STX17: variants seen among roughly 807,000 people sequenced by gnomAD.
STX17 encodes syntaxin 17, also known as syntaxin-17.
Under a neutral mutation model 35.9 loss-of-function variants are expected in STX17, and 29 were observed. The observed-to-expected ratio is 0.81, with a 90% confidence interval of 0.60 to 1.10. STX17 has a LOEUF of 1.10. Among genes scored for constraint, STX17 ranks in the 50% least tolerant of loss-of-function variants. STX17 has a pLI of 0.00. For synonymous variants in STX17, 92 were observed against 118.3 expected, an observed-to-expected ratio of 0.78 and a Z score of 1.44; for missense variants, 312 against 352.3, an observed-to-expected ratio of 0.89 and a Z score of 0.92.
chr9:99,918,949 A>T (rs943791397), intron 2 of STX17, among the ~76,000 whole-genome samples: 2 of 152,026 alleles, frequency 1.3e-5, no homozygotes, highest in African/African-American at 4.8e-5. Flanking sequence ...AAGCCAGGGG[A>T]AGGAAAGTAG....
At chr9:99,937,446 G>T (rs1351489718) in intron 3 of STX17, among the ~76,000 whole-genome samples, 2 of 152,022 alleles carry the variant, frequency 1.3e-5, no homozygotes, top group East Asian at 3.9e-4. Flanking sequence ...CTTTTTGATT[G>T]TTTTATCTGT....
At chr9:99,910,753 G>A (rs1828644086) in intron 1 of STX17, among the ~76,000 whole-genome samples, 1 of 152,138 alleles carries the variant, frequency 6.6e-6, no homozygotes, top group African/African-American at 2.4e-5. Flanking sequence ...ACCTCACTGT[G>A]TTATTAAACA....
At chr9:99,957,254 A>G (rs572600791) in intron 4 of STX17, among the ~76,000 whole-genome samples, 99 of 152,180 alleles carry the variant, frequency 6.5e-4, no homozygotes, top group Non-Finnish European at 1.1e-3. Flanking sequence ...CATGAGTTGC[A>G]TACCATATCA....
chr9:99,962,432 A>G (rs1293929925), intron 6 of STX17, among the ~76,000 whole-genome samples: 1 of 152,202 alleles, frequency 6.6e-6, no homozygotes, highest in Non-Finnish European at 1.5e-5. Context: ...CTATACATGT[A>G]TGGTTACACA....
At chr9:99,959,755 C>G (rs1829790478) in intron 4 of STX17, among the ~76,000 whole-genome samples, 162 bp from the exon 5 acceptor site, 1 of 152,168 alleles carries the variant, frequency 6.6e-6, no homozygotes. Context: ...GCCACTGCAC[C>G]CAGCCAAACA....
In STX17 at chr9:99,951,235, A is replaced by T. The variant is rs770493914; in HGVS notation, c.365A>T (p.Asp122Val). ...SVEELKKQFN[D>V]EETLLQPPLT... is the part of the protein sequence containing the mutation. ...GAAGAACTTAAGAAGCAATTTAATG[A>T]TGAAGAAACTTTGCTACAGCCTCCT... is the stretch of plus-strand genomic sequence containing the variant. Residue 122 changes from aspartate to valine, a missense_variant, in exon 4 of 8, where the codon GAT (aspartate) becomes GTT (valine). By Grantham distance (152) the Asp-to-Val change is radical (BLOSUM62 -3). Transcript: ENST00000259400. 2 of 1,612,912 alleles carry T rather than the reference A, an allele frequency of 1.2e-6. No homozygotes were observed. The highest frequency in any genetic ancestry group is 2.7e-5 in the African/African-American group (2 of 74,872).
chr9:99,930,296 C>T (rs373820929), intron 3 of STX17, among the ~76,000 whole-genome samples: 3 of 151,538 alleles, frequency 2.0e-5, no homozygotes, highest in Admixed American at 6.6e-5. Flanking sequence ...GAGACAGAGT[C>T]GCCCTCTGTC....
intron 6 of STX17, among the ~76,000 whole-genome samples, chr9:99,960,467 G>T (rs545510141): frequency 1.3e-5 from 2 of 150,608 alleles, no homozygotes; most frequent in Non-Finnish European, 3.0e-5. Context: ...TTTTTGAGAC[G>T]GAGTCTCACT....
At chr9:99,961,769 A>G in intron 6 of STX17, among the ~76,000 whole-genome samples, 1 of 152,146 alleles carries the variant, frequency 6.6e-6, no homozygotes, top group South Asian at 2.1e-4. Context: ...TTGGAATGAG[A>G]AAGGACTCAA....
chr9:99,966,233 C>T (rs1829908383), intron 6 of STX17, among the ~76,000 whole-genome samples: 1 of 152,100 alleles, frequency 6.6e-6, no homozygotes, highest in African/African-American at 2.4e-5. Flanking sequence ...CTCACAGAGA[C>T]ATTCAAAGGA....
At chr9:99,950,479 A>G (rs1369202560) in intron 3 of STX17, among the ~76,000 whole-genome samples, 1 of 151,970 alleles carries the variant, frequency 6.6e-6, no homozygotes, top group Middle Eastern at 3.2e-3. Flanking sequence ...TATTTGTTTC[A>G]TAGTTTGTAA....
intron 3 of STX17, among the ~76,000 whole-genome samples, chr9:99,936,493 T>C (rs554655864): frequency 1.3e-5 from 2 of 152,324 alleles, no homozygotes; most frequent in African/African-American, 4.8e-5. Flanking sequence ...AAACAACTTC[T>C]CTTGTTCTCT....
At chr9:99,962,072 T>G (rs1829838465) in intron 6 of STX17, among the ~76,000 whole-genome samples, 1 of 152,184 alleles carries the variant, frequency 6.6e-6, no homozygotes, top group Admixed American at 6.5e-5. Flanking sequence ...CCCACCATAT[T>G]TTCTTCTCTT....
At chr9:99,940,353 A>G (rs1437693871) in intron 3 of STX17, among the ~76,000 whole-genome samples, 2 of 150,772 alleles carry the variant, frequency 1.3e-5, no homozygotes, top group Non-Finnish European at 3.0e-5. Context: ...CTGGTCTCAA[A>G]CTCCTGACCT....
chr9:99,914,142 C>A (rs1828717773), intron 1 of STX17: 1 of 152,002 alleles, frequency 6.6e-6, no homozygotes. Flanking sequence ...TCAGTGGCTC[C>A]ACAAAGTCTG....
intron 3 of STX17, among the ~76,000 whole-genome samples, chr9:99,931,014 T>C (rs1436586066): frequency 6.6e-6 from 1 of 152,202 alleles, no homozygotes; most frequent in Non-Finnish European, 1.5e-5. Flanking sequence ...TCTCGCTCTT[T>C]CGCCCAGGCT....
At chr9:99,943,108 C>T (rs1474314361) in intron 3 of STX17, among the ~76,000 whole-genome samples, 2 of 151,748 alleles carry the variant, frequency 1.3e-5, no homozygotes, top group Non-Finnish European at 2.9e-5. Flanking sequence ...TTATTGAATT[C>T]CTGTATTTGT....
At chr9:99,922,960 C>G (rs1318157494) in intron 2 of STX17, among the ~76,000 whole-genome samples, 1 of 152,192 alleles carries the variant, frequency 6.6e-6, no homozygotes. Context: ...GAAAATTGTT[C>G]CTGTCCCCTG....
intron 3 of STX17, among the ~76,000 whole-genome samples, chr9:99,938,354 T>C (rs937432435): frequency 2.6e-5 from 4 of 152,194 alleles, no homozygotes; most frequent in South Asian, 2.1e-4. Context: ...TATAGTATAC[T>C]TAACAATTTT....
Sources: allele counts gnomAD v4.1 joint callset (sites outside exome capture counted in the v4.1 genomes callset), GRCh38; gene constraint gnomAD v4.1.1; transcripts MANE v1.5; gene names NCBI Gene and HGNC (gene_info 2026-07-23, HGNC 2026-07-21).